The following AGBL1 variants were observed in gnomAD, a reference collection of about 807,000 sequenced individuals.
AGBL1 encodes the protein AGBL carboxypeptidase 1.
A neutral mutation model predicts 118.9 loss-of-function variants in AGBL1; 130 were observed. The observed-to-expected ratio is 1.09, with a 90% CI of 0.95 to 1.26. The LOEUF (loss-of-function observed/expected upper bound fraction) is 1.26, where lower values mean the gene tolerates loss of function less well. AGBL1 is among the 50% of genes most tolerant of loss of function. AGBL1 has a pLI of 0.00. For synonymous variants in AGBL1, 555 were observed against 478.9 expected (o/e 1.16, Z -2.08); for missense variants, 1,584 against 1,298.1 (o/e 1.22, Z -3.38).
intron 5 of AGBL1, among the ~76,000 whole-genome samples, chr15:86,215,990 A>G (rs1489474546): frequency 6.6e-6 from 1 of 152,212 alleles, no homozygotes; most frequent in Non-Finnish European, 1.5e-5. Flanking sequence ...ATTGATTACC[A>G]GGAATTGTAC....
chr15:86,942,627 A>G (rs372502610), intron 23 of AGBL1, among the ~76,000 whole-genome samples: 36 of 152,256 alleles, frequency 2.4e-4, no homozygotes, highest in African/African-American at 8.7e-4. Flanking sequence ...CTTAATTAAA[A>G]TACCTTAAAA....
intron 22 of AGBL1, among the ~76,000 whole-genome samples, chr15:86,803,294 A>G (rs1170600866): frequency 6.6e-6 from 1 of 152,048 alleles, no homozygotes; most frequent in Non-Finnish European, 1.5e-5. Flanking sequence ...AGCATCTGGC[A>G]TTTCCCTTGC....
At chr15:86,844,122 T>A (rs1230116279) in intron 22 of AGBL1, among the ~76,000 whole-genome samples, 1 of 152,204 alleles carries the variant, frequency 6.6e-6, no homozygotes, top group East Asian at 1.9e-4. Flanking sequence ...ATTTTGTTTA[T>A]CCATGCACCA....
In AGBL1 at chr15:86,327,834, A is replaced by G. The variant is rs539352535; in HGVS notation, c.2374+32426A>G. Reference sequence around the variant, plus strand: ...AGCACAGCTATTCTAATTTATTTACATCCCACTCTAATGATATGAGGAGGC... The same window carrying G: ...AGCACAGCTATTCTAATTTATTTACGTCCCACTCTAATGATATGAGGAGGC... On this transcript the variant is annotated intron_variant, in intron 17 of 22. Transcript: ENST00000614907. Among the ~76,000 whole-genome samples, 3 of 152,298 alleles carry G rather than the reference A, an allele frequency of 2.0e-5. No individual in the cohort carries two copies. In the South Asian group the frequency reaches 6.2e-4, roughly 32 times the overall value.
chr15:86,585,388 CTTTTTATGTA>C (rs939722385), intron 21 of AGBL1, among the ~76,000 whole-genome samples: 1 of 59,312 alleles, frequency 1.7e-5, no homozygotes, highest in African/African-American at 4.8e-5. Flanking sequence ...TTATTGTTTT[CTTTTTATGTA>C]TTTATTTATT....
At chr15:86,111,178 G>A (rs1451083357) in intron 1 of AGBL1, among the ~76,000 whole-genome samples, 1 of 152,234 alleles carries the variant, frequency 6.6e-6, no homozygotes, top group Non-Finnish European at 1.5e-5. Context: ...AAGTCAGACT[G>A]TAAGTTTGGG....
intron 18 of AGBL1, among the ~76,000 whole-genome samples, chr15:86,423,780 C>G (rs1207155029): frequency 6.6e-6 from 1 of 152,124 alleles, no homozygotes; most frequent in Admixed American, 6.5e-5. Context: ...CTCCCATTCC[C>G]AATTGCTACA....
rs200028178 is a variant in AGBL1 at position 86,262,851 on chromosome 15, T to C, written c.1043T>C (p.Met348Thr). The C allele has an allele frequency of 1.8e-5, 29 of 1,610,852 alleles. No homozygotes were observed. The highest frequency in any genetic ancestry group is 2.4e-5 in the Non-Finnish European group (28 of 1,178,754). The change falls in exon 10 of 23, where the codon ATG (methionine) becomes ACG (threonine). Residue 348 changes from methionine (M) to threonine (T), a missense_variant. Physicochemically the swap from Met to Thr is moderately conservative, Grantham distance 81 (BLOSUM62 -1). Coordinates refer to ENST00000614907, the MANE Select transcript of AGBL1 (RefSeq NM_001386094.1). ...CTTGACCGACCTGAAGAGGAACTGA[T>C]GCAATATGAGGTGATGTGTCTTGAG... ...PGLDRPEEELMQYEVMCLELS... is the reference protein window; with the variant it reads ...PGLDRPEEELTQYEVMCLELS...
chr15:86,159,584 C>T (rs1196037485), intron 5 of AGBL1, among the ~76,000 whole-genome samples: 1 of 152,006 alleles, frequency 6.6e-6, no homozygotes, highest in Non-Finnish European at 1.5e-5. Context: ...CCTGTTCTCC[C>T]TGCCTCTGCT....
chr15:86,179,171 T>C (rs1696425597), intron 5 of AGBL1, among the ~76,000 whole-genome samples: 1 of 152,244 alleles, frequency 6.6e-6, no homozygotes, highest in African/African-American at 2.4e-5. Flanking sequence ...GTTCCTGGAA[T>C]TGTTTAAGTA....
intron 22 of AGBL1, among the ~76,000 whole-genome samples, chr15:86,892,590 A>C (rs1362379307): frequency 6.6e-6 from 1 of 152,176 alleles, no homozygotes; most frequent in Non-Finnish European, 1.5e-5. Context: ...GATTGATAAG[A>C]TCTACCCCAT....
intron 24 of AGBL1, among the ~76,000 whole-genome samples, chr15:87,004,382 T>A (rs962988560): frequency 1.3e-5 from 2 of 152,170 alleles, no homozygotes; most frequent in East Asian, 1.9e-4. Context: ...CTGTAGTGGG[T>A]GCATATATAT....
At chr15:86,119,980 C>T (rs921913214) in intron 1 of AGBL1, among the ~76,000 whole-genome samples, 7 of 152,174 alleles carry the variant, frequency 4.6e-5, no homozygotes, top group Non-Finnish European at 2.9e-5. Flanking sequence ...TCCATTCATT[C>T]ATGTACACAT....
At chr15:86,686,009 C>A (rs988930288) in intron 22 of AGBL1, among the ~76,000 whole-genome samples, 3 of 152,166 alleles carry the variant, frequency 2.0e-5, no homozygotes, top group Non-Finnish European at 4.4e-5. Flanking sequence ...TTTTCACCCA[C>A]TAGATGTTCC....
At chr15:86,245,075 AAAAC>A (rs1362838423) in intron 6 of AGBL1, among the ~76,000 whole-genome samples, 5 of 152,182 alleles carry the variant, frequency 3.3e-5, no homozygotes, top group African/African-American at 4.8e-5. Context: ...TAAAGAGAAA[AAAAC>A]AAACAAACAA....
At chr15:86,309,766 C>T (rs1377442098) in intron 17 of AGBL1, among the ~76,000 whole-genome samples, 4 of 152,144 alleles carry the variant, frequency 2.6e-5, no homozygotes, top group Non-Finnish European at 5.9e-5. Context: ...ATCCTTGCAG[C>T]CTAGAGATAA....
chr15:86,652,882 T>C (rs1322800225), intron 21 of AGBL1, among the ~76,000 whole-genome samples: 5 of 152,242 alleles, frequency 3.3e-5, no homozygotes. Context: ...TTTTGGGTTG[T>C]CCTAACTAGG....
At chr15:86,080,946 G>C (rs56237655) in intron 1 of AGBL1, among the ~76,000 whole-genome samples, 49,458 of 151,582 alleles carry the variant, frequency 0.33, 8,544 homozygotes, top group East Asian at 0.44. Flanking sequence ...GGCGGGGGGG[G>C]GTCCATGACC....
Position 86,944,440 on chromosome 15 carries a change from G to C in AGBL1, c.3222-43547G>C, listed in dbSNP as rs2080792075. 2.0e-5 allele frequency among the ~76,000 whole-genome samples: 3 copies of C among 152,094 alleles called. No individual in the cohort carries two copies. The South Asian group carries it at 6.2e-4, about 32-fold the overall frequency. On this transcript the variant is annotated intron_variant, in intron 23 of 24. Transcript: ENST00000441037. Reference sequence around the variant, plus strand: ...CAGGATGGCCGACCAGCATGTGCAGGGAAAGCATGGCACCATTCGGGGAAC... The same window carrying C: ...CAGGATGGCCGACCAGCATGTGCAGCGAAAGCATGGCACCATTCGGGGAAC...
Sources: allele counts gnomAD v4.1 joint callset (sites outside exome capture counted in the v4.1 genomes callset), GRCh38; gene constraint gnomAD v4.1.1; transcripts MANE v1.5; gene names NCBI Gene and HGNC (gene_info 2026-07-23, HGNC 2026-07-21).